RILPL1: variants seen among roughly 807,000 people sequenced by gnomAD.
RILPL1 encodes RILP-like protein 1.
RILPL1 carries 33 observed loss-of-function variants against 50.3 expected under a neutral mutation model. The ratio of observed to expected loss-of-function variants is 0.66; its 90% CI spans 0.50 to 0.88. RILPL1 has a LOEUF of 0.88. Among genes scored for constraint, RILPL1 ranks in the 40% least tolerant of loss-of-function variants. The pLI, the probability that RILPL1 is intolerant of heterozygous loss-of-function variation, is 0.00. For synonymous variants in RILPL1, 205 were observed against 228.6 expected (o/e 0.90, Z 0.93); for missense variants, 418 against 542.5 (o/e 0.77, Z 2.28).
intron 2 of RILPL1, among the ~76,000 whole-genome samples, chr12:123,501,069 T>C (rs1274876437): frequency 1.3e-5 from 2 of 151,480 alleles, no homozygotes; most frequent in Admixed American, 6.6e-5. Context: ...GATCGTGCCA[T>C]TGGACTCCAG....
intron 5 of RILPL1, chr12:123,484,800 G>A (rs191275093): frequency 8.0e-6 from 2 of 251,292 alleles, no homozygotes; most frequent in African/African-American, 4.4e-5. Context: ...GGGACTACAG[G>A]GTGAGCCACC....
rs78849129 is a variant in RILPL1, at chr12:123,498,806, C to T, written c.580-41G>A. On this transcript the variant is annotated intron_variant, in intron 3 of 6. Transcript: ENST00000376874. The surrounding 1 kb of genome is among the most constrained non-coding windows in gnomAD (Gnocchi z 4.3). ...GACCATTGTGCGGGGCTGCCACCTG[C>T]GGTAGCTCAGGTTGTACACTGCACA... 1,900 of 1,584,800 alleles carry T rather than the reference C, an allele frequency of 1.2e-3. 21 individuals carry two copies. In the African/African-American group the frequency reaches 0.023, roughly 19 times the overall value.
intron 4 of RILPL1, among the ~76,000 whole-genome samples, chr12:123,497,870 A>G (rs1883127556): frequency 6.6e-6 from 1 of 152,118 alleles, no homozygotes; most frequent in Non-Finnish European, 1.5e-5. Context: ...TAAAAGTTTG[A>G]ACACCTGCTC....
intron 2 of RILPL1, among the ~76,000 whole-genome samples, 158 bp from the exon 3 acceptor site, chr12:123,499,694 C>A (rs556656670): frequency 6.6e-6 from 1 of 152,094 alleles, no homozygotes; most frequent in Non-Finnish European, 1.5e-5. Context: ...TCGCCCTCCC[C>A]GGTGCCTGCT....
chr12:123,531,152 C>T (rs1397585772), intron 1 of RILPL1, among the ~76,000 whole-genome samples: 2 of 151,886 alleles, frequency 1.3e-5, no homozygotes, highest in African/African-American at 4.8e-5. Context: ...TCTCTCCATC[C>T]CAAGAATGTG....
chr12:123,482,271 A>T (rs1264149627), intron 6 of RILPL1, among the ~76,000 whole-genome samples: 4 of 152,186 alleles, frequency 2.6e-5, no homozygotes, highest in Non-Finnish European at 4.4e-5. Context: ...ATCTAGAGGA[A>T]GCTTTTCTGG....
intron 2 of RILPL1, among the ~76,000 whole-genome samples, chr12:123,503,178 C>T (rs1411063349): frequency 2.1e-5 from 3 of 141,138 alleles, no homozygotes; most frequent in Non-Finnish European, 3.1e-5. Context: ...TGAACCACCA[C>T]GCCTGGCCTT....
At chr12:123,510,420 CTG>C (rs966848335) in intron 2 of RILPL1, among the ~76,000 whole-genome samples, 5 of 143,922 alleles carry the variant, frequency 3.5e-5, no homozygotes, top group Admixed American at 3.4e-4. Flanking sequence ...AATGTGAGGT[CTG>C]TGTCTGGTGT....
At position 123,485,490 on chromosome 12, in the gene RILPL1, A is replaced by C. The variant is rs550759179; in HGVS notation, c.974+143T>G. ...AGAAAGGGGTTGTGAGCTTGTATGT[A>C]AGTTCTTTAGGCCAGAGAGGGTACC... On this transcript the variant is annotated intron_variant, in intron 5 of 6. Transcript: ENST00000376874. This position sits in a 1 kb window ranked among gnomAD's most constrained non-coding sequence, Gnocchi z 4.0. 13 of 736,282 alleles carry C rather than the reference A, an allele frequency of 1.8e-5. No homozygotes were observed. Among genetic ancestry groups the C allele is most frequent in the Admixed American group, 2.9e-5 (1 of 34,952 alleles). 45.6% of individuals were successfully genotyped at this position (736,282 alleles called of 1,614,324 possible). A position where few individuals can be genotyped will look rare whatever the true frequency, so the allele number is the denominator to read the frequency against.
intron 6 of RILPL1, among the ~76,000 whole-genome samples, chr12:123,477,831 T>G (rs1370330795): frequency 6.6e-6 from 1 of 152,008 alleles, no homozygotes; most frequent in Non-Finnish European, 1.5e-5. Context: ...ACAGTCATTG[T>G]GTGGGAAGTG....
chr12:123,527,851 A>T (rs536161051), intron 1 of RILPL1, among the ~76,000 whole-genome samples: 1 of 152,272 alleles, frequency 6.6e-6, no homozygotes, highest in East Asian at 1.9e-4. Flanking sequence ...CAGGGAATGC[A>T]GAGTCCATAA....
chr12:123,521,049 A>T (rs1884983159), intron 2 of RILPL1, among the ~76,000 whole-genome samples: 1 of 152,204 alleles, frequency 6.6e-6, no homozygotes, highest in Non-Finnish European at 1.5e-5. Context: ...GACCTTGAAC[A>T]AATCACTCTC....
In RILPL1 at chr12:123,485,376, T is replaced by G. The variant is rs1047828926; in HGVS notation, c.974+257A>C. ...GTTGCCCAGGCTAGTCTCGAATGCCTGGGATCAAGCAATCTTCCCGCCTCG... is the reference window on the plus strand; with the variant it reads ...GTTGCCCAGGCTAGTCTCGAATGCCGGGGATCAAGCAATCTTCCCGCCTCG... On this transcript the variant is annotated intron_variant, in intron 5 of 6. Coordinates refer to ENST00000376874, the MANE Select transcript of RILPL1 (RefSeq NM_178314.5). The surrounding 1 kb of genome is among the most constrained non-coding windows in gnomAD (Gnocchi z 4.0). Among the ~76,000 whole-genome samples, 2 of 152,114 alleles carry G rather than the reference T, an allele frequency of 1.3e-5. No homozygotes were observed. Among genetic ancestry groups the G allele is most frequent in the African/African-American group, 4.8e-5 (2 of 41,420 alleles).
At chr12:123,483,362 T>TG (rs1290444260) in intron 6 of RILPL1, among the ~76,000 whole-genome samples, 1 of 152,146 alleles carries the variant, frequency 6.6e-6, no homozygotes, top group African/African-American at 2.4e-5. Flanking sequence ...AACTATAAAA[T>TG]GGGAATGATG....
intron 2 of RILPL1, among the ~76,000 whole-genome samples, chr12:123,521,477 TC>T (rs1267486461): frequency 6.7e-6 from 1 of 149,718 alleles, no homozygotes; most frequent in Non-Finnish European, 1.5e-5. Context: ...TTTCCTTGGT[TC>T]CCACAGTCCT....
chr12:123,489,814 C>T lies in RILPL1; in HGVS notation c.802-4009G>A, dbSNP rs866579863. Reference sequence around the variant, plus strand: ...AACTCTGGGCATTAGTAGTATAGATCAGAGGTTGCAAACTAAGCTCTTAGA... The same window carrying T: ...AACTCTGGGCATTAGTAGTATAGATTAGAGGTTGCAAACTAAGCTCTTAGA... On this transcript the variant is annotated intron_variant, in intron 4 of 6. Transcript: ENST00000376874. The surrounding 1 kb of genome is among the most constrained non-coding windows in gnomAD (Gnocchi z 4.0). 6.6e-6 allele frequency among the ~76,000 whole-genome samples: 1 copy of T among 152,114 alleles called. No homozygotes were observed. Among genetic ancestry groups the T allele is most frequent in the Non-Finnish European group, 1.5e-5 (1 of 68,028 alleles).
chr12:123,531,160 G>T (rs1354747619), intron 1 of RILPL1, among the ~76,000 whole-genome samples: 2 of 151,884 alleles, frequency 1.3e-5, no homozygotes, highest in East Asian at 3.9e-4. Flanking sequence ...TCCCAAGAAT[G>T]TGAAGTAAAC....
chr12:123,525,916 G>A (rs530086726), intron 1 of RILPL1, among the ~76,000 whole-genome samples: 7 of 141,676 alleles, frequency 4.9e-5, no homozygotes, highest in East Asian at 1.9e-4. Context: ...CTCCACCCCC[G>A]CAAAAAACAA....
At position 123,522,177 on chromosome 12, in the gene RILPL1, G is replaced by A. The variant is rs1885091829; in HGVS notation, c.460+1318C>T. Among the ~76,000 whole-genome samples, 1 of 152,182 alleles carries A rather than the reference G, an allele frequency of 6.6e-6. No homozygotes were observed. The highest frequency in any genetic ancestry group is 1.5e-5 in the Non-Finnish European group (1 of 68,020). On this transcript the variant is annotated intron_variant, in intron 2 of 6. Transcript: ENST00000376874. This position sits in a 1 kb window ranked among gnomAD's most constrained non-coding sequence, Gnocchi z 4.0. ...TCAAACATGAGGAAGAGGCTCATGT[G>A]GGGAGCTAAGGAGTTTCTCAGAAGT...
Sources: allele counts gnomAD v4.1 joint callset (sites outside exome capture counted in the v4.1 genomes callset), GRCh38; gene constraint gnomAD v4.1.1; non-coding constraint Gnocchi (gnomAD v3.1); transcripts MANE v1.5; gene names NCBI Gene and HGNC (gene_info 2026-07-23, HGNC 2026-07-21).